Variants in CACNA1E observed in about 807,000 individuals in gnomAD.
CACNA1E encodes calcium voltage-gated channel subunit alpha1 E.
In CACNA1E, 40 loss-of-function variants were observed where a neutral mutation model predicts 259.2. The ratio of observed to expected loss-of-function variants is 0.15; its 90% CI spans 0.12 to 0.20. CACNA1E has a LOEUF of 0.20. Among genes scored for constraint, CACNA1E ranks in the 10% least tolerant of loss-of-function variants. The pLI is 1.00. For synonymous variants in CACNA1E, 1,104 were observed against 1,138.5 expected, an observed-to-expected ratio of 0.97 and a Z score of 0.61; for missense variants, 1,874 against 3,040.1, an observed-to-expected ratio of 0.62 and a Z score of 9.02.
At chr1:181,685,208 G>T (rs1650402917) in intron 7 of CACNA1E, among the ~76,000 whole-genome samples, 1 of 140,358 alleles carries the variant, frequency 7.1e-6, no homozygotes, top group Non-Finnish European at 1.5e-5. Flanking sequence ...CCTTGCCTAG[G>T]TAGCACATAG....
chr1:181,460,214 A>G (rs942930603), intron 2 of CACNA1E, among the ~76,000 whole-genome samples: 8 of 152,188 alleles, frequency 5.3e-5, no homozygotes, highest in African/African-American at 1.9e-4. Context: ...GGAGAATGAT[A>G]TGGTCTGTTA....
intron 7 of CACNA1E, among the ~76,000 whole-genome samples, chr1:181,691,695 A>C (rs1318564933): frequency 6.6e-6 from 1 of 152,178 alleles, no homozygotes; most frequent in African/African-American, 2.4e-5. Flanking sequence ...AGCTGTGACA[A>C]ACTCACAGCC....
intron 38 of CACNA1E, among the ~76,000 whole-genome samples, chr1:181,778,822 T>G (rs1660177582): frequency 6.6e-6 from 1 of 152,144 alleles, no homozygotes. Context: ...AGGCTCCTAC[T>G]GAGTAAAGAA....
At chr1:181,677,611 C>T (rs1649511057) in intron 7 of CACNA1E, among the ~76,000 whole-genome samples, 1 of 152,136 alleles carries the variant, frequency 6.6e-6, no homozygotes. Context: ...GAAACCTGGT[C>T]CTTTGTCTTG....
intron 1 of CACNA1E, among the ~76,000 whole-genome samples, chr1:181,329,779 T>C (rs1261569489): frequency 6.6e-6 from 1 of 152,218 alleles, no homozygotes; most frequent in East Asian, 1.9e-4. Flanking sequence ...CCAGTTCATG[T>C]ATGTATACTT....
chr1:181,602,844 C>T (rs745662312), intron 6 of CACNA1E, among the ~76,000 whole-genome samples: 1 of 152,168 alleles, frequency 6.6e-6, no homozygotes. Context: ...CACAAAAGAG[C>T]TCATTGAGGT....
chr1:181,635,472 T>TTC (rs928562621), intron 6 of CACNA1E, among the ~76,000 whole-genome samples: 2 of 151,774 alleles, frequency 1.3e-5, no homozygotes, highest in African/African-American at 2.4e-5. Context: ...CCTTCCCCAG[T>TTC]TCTCTCTCTC....
In CACNA1E at chr1:181,783,659, C is replaced by CT; in HGVS notation, c.5365-14dup. On this transcript the variant is annotated intron_variant, in intron 39 of 47. Transcript: ENST00000367573. ...TTTTTTTTTTTTTTGCCTGCTGTTT[C>CT]TTTTTTCTCTTTCACACAGAGGTTG... 1 of 1,162,044 alleles carries CT rather than the reference C, an allele frequency of 8.6e-7. No homozygotes were observed. Among genetic ancestry groups the CT allele is most frequent in the Non-Finnish European group, 1.2e-6 (1 of 852,912 alleles). The allele number at this position is 1,162,044 out of a possible 1,614,324, so 72.0% of individuals were successfully genotyped here.
intron 7 of CACNA1E, among the ~76,000 whole-genome samples, chr1:181,688,811 C>A (rs987872673): frequency 6.6e-6 from 1 of 152,156 alleles, no homozygotes; most frequent in African/African-American, 2.4e-5. Flanking sequence ...CTTCCCACTC[C>A]AGCACCTGGT....
At position 181,798,428 on chromosome 1, in the gene CACNA1E, C is replaced by T. The variant is rs199885694; in HGVS notation, c.6536C>T (p.Ala2179Val). ...TCCTACAGCTCCCTGATTCGACACG[C>T]GGGCAGCATCTCTCCACCTGCTGAT... ...LLSYSSLIRH[A>V]GSISPPADGS... Residue 2179 changes from alanine to valine, a missense_variant, in exon 48 of 48, where the codon GCG becomes GTG. Transcript: ENST00000367573. The surrounding 1 kb of genome is among the most constrained non-coding windows in gnomAD (Gnocchi z 4.2). 7.7e-4 allele frequency: 1,237 copies of T among 1,613,648 alleles called. No individual in the cohort carries two copies. Among genetic ancestry groups the T allele is most frequent in the Non-Finnish European group, 9.7e-4 (1,145 of 1,179,908 alleles).
At chr1:181,533,891 T>TA (rs1396360636) in intron 3 of CACNA1E, among the ~76,000 whole-genome samples, 3 of 152,152 alleles carry the variant, frequency 2.0e-5, no homozygotes, top group African/African-American at 7.2e-5. Flanking sequence ...TGTTAGTTTT[T>TA]ATTCGTTGAT....
chr1:181,758,351 T>C lies in CACNA1E; in HGVS notation c.4494+240T>C, dbSNP rs1658271561. Among the ~76,000 whole-genome samples the C allele has an allele frequency of 6.6e-6, 1 of 152,056 alleles. No homozygotes were observed. The highest frequency in any genetic ancestry group is 1.5e-5 in the Non-Finnish European group (1 of 67,994). ...GGGCTCCCAAGACCTGAGATGGCAA[T>C]GGGAGGCAGCTTCAGACAAGGGTGG... On this transcript the variant is annotated intron_variant, in intron 31 of 47. Coordinates refer to ENST00000367573, the MANE Select transcript of CACNA1E (RefSeq NM_001205293.3). The surrounding 1 kb of genome is among the most constrained non-coding windows in gnomAD (Gnocchi z 4.2).
intron 1 of CACNA1E, among the ~76,000 whole-genome samples, chr1:181,386,197 G>A (rs1655834257): frequency 6.6e-6 from 1 of 152,338 alleles, no homozygotes; most frequent in Non-Finnish European, 1.5e-5. Context: ...AGACTTCTCT[G>A]AGAATGCAAA....
Position 181,801,392 on chromosome 1 carries a change from G to C in CACNA1E, c.*2558G>C, listed in dbSNP as rs1241037771. On this transcript the variant is annotated 3_prime_UTR_variant, in exon 48 of 48. Transcript: ENST00000367573. ...CTTGAACTCATACACACAGGTATTT[G>C]AGTCCTGAATAAAGTGTTGGAAAGC... 1 of 152,254 alleles carries C rather than the reference G, an allele frequency of 6.6e-6. No individual in the cohort carries two copies. Among genetic ancestry groups the C allele is most frequent in the Non-Finnish European group, 1.5e-5 (1 of 68,024 alleles). 9.4% of individuals were successfully genotyped at this position (152,254 alleles called of 1,614,324 possible).
intron 1 of CACNA1E, among the ~76,000 whole-genome samples, chr1:181,494,838 TA>T (rs1664612275): frequency 6.6e-6 from 1 of 152,228 alleles, no homozygotes; most frequent in Non-Finnish European, 1.5e-5. Context: ...GAGTAATTGA[TA>T]AAAAATATAT....
intron 2 of CACNA1E, among the ~76,000 whole-genome samples, chr1:181,442,667 C>T (rs978516822): frequency 2.0e-5 from 3 of 152,138 alleles, no homozygotes; most frequent in Non-Finnish European, 2.9e-5. Flanking sequence ...TCTATAATAT[C>T]CTAGAAGGAG....
intron 3 of CACNA1E, among the ~76,000 whole-genome samples, chr1:181,574,758 G>A (rs1650779318): frequency 1.3e-5 from 2 of 152,146 alleles, no homozygotes; most frequent in African/African-American, 4.8e-5. Context: ...CAGGTATGGT[G>A]GCTCACACCT....
chr1:181,767,111 G>A (rs896596465), intron 35 of CACNA1E, among the ~76,000 whole-genome samples: 2 of 152,110 alleles, frequency 1.3e-5, no homozygotes, highest in Non-Finnish European at 2.9e-5. Context: ...TGAGATTTAT[G>A]CCCTAAGATA....
chr1:181,738,386 A>C lies in CACNA1E; in HGVS notation c.3572A>C (p.Tyr1191Ser), dbSNP rs1352285149. ...ERNKVLRYFD[Y>S]VFTGVFTFEM... Reference sequence around the variant, plus strand: ...TTTCAGGTCCTGAGGTATTTTGACTATGTGTTCACGGGCGTGTTCACCTTT... The same window carrying C: ...TTTCAGGTCCTGAGGTATTTTGACTCTGTGTTCACGGGCGTGTTCACCTTT... The change falls in exon 24 of 48, where the codon TAT becomes TCT. Residue 1191 changes from tyrosine (Y) to serine (S), a missense_variant. Tyr to Ser is a moderately radical substitution (Grantham distance 144, BLOSUM62 -2). Coordinates refer to ENST00000367573, the MANE Select transcript of CACNA1E (RefSeq NM_001205293.3). The C allele has an allele frequency of 6.2e-7, 1 of 1,613,790 alleles. No homozygotes were observed. Among genetic ancestry groups the C allele is most frequent in the Admixed American group, 1.7e-5 (1 of 60,030 alleles).
Sources: allele counts gnomAD v4.1 joint callset (sites outside exome capture counted in the v4.1 genomes callset), GRCh38; gene constraint gnomAD v4.1.1; non-coding constraint Gnocchi (gnomAD v3.1); transcripts MANE v1.5; gene names NCBI Gene and HGNC (gene_info 2026-07-23, HGNC 2026-07-21).